RBPMS2: variants seen among roughly 807,000 people sequenced by gnomAD.
The protein encoded by RBPMS2 is RNA-binding protein with multiple splicing 2.
A neutral mutation model predicts 25.7 loss-of-function variants in RBPMS2; 14 were observed. The observed-to-expected ratio is 0.55, with a 90% CI of 0.36 to 0.85. The LOEUF (loss-of-function observed/expected upper bound fraction) is 0.85. RBPMS2 is among the 40% of genes least tolerant of loss of function. RBPMS2 has a pLI of 0.01. For synonymous variants in RBPMS2, 127 were observed against 115.6 expected (o/e 1.10, Z -0.63); for missense variants, 252 against 283.4 (o/e 0.89, Z 0.80).
At position 64,740,068 on chromosome 15, in the gene RBPMS2, T is replaced by C. The variant is rs772412639; in HGVS notation, c.*940A>G. On this transcript the variant is annotated 3_prime_UTR_variant, in exon 8 of 8. Transcript: ENST00000300069. ...ACAAAAAACATTGCACAGTGTTTCCTTCATTTCATTTTCTTAAACAAATGC... is the reference window on the plus strand; with the variant it reads ...ACAAAAAACATTGCACAGTGTTTCCCTCATTTCATTTTCTTAAACAAATGC... 1 of 152,648 alleles carries C rather than the reference T, an allele frequency of 6.6e-6. No homozygotes were observed. Among genetic ancestry groups the C allele is most frequent in the Non-Finnish European group, 1.5e-5 (1 of 68,052 alleles). The allele number at this position is 152,648 out of a possible 1,614,324, so 9.5% of individuals were successfully genotyped here.
chr15:64,767,366 C>G (rs976080357), intron 1 of RBPMS2, among the ~76,000 whole-genome samples: 5 of 152,194 alleles, frequency 3.3e-5, no homozygotes. Context: ...GGGCGGAAGA[C>G]AGAGGAAGTG....
At chr15:64,743,446 C>T (rs1026152131) in intron 6 of RBPMS2, among the ~76,000 whole-genome samples, 4 of 152,372 alleles carry the variant, frequency 2.6e-5, no homozygotes, top group South Asian at 4.1e-4. Context: ...CTGAAGCAGA[C>T]GGAATGCATT....
chr15:64,764,712 G>A (rs1267338064), intron 1 of RBPMS2, among the ~76,000 whole-genome samples: 2 of 151,598 alleles, frequency 1.3e-5, no homozygotes, highest in Non-Finnish European at 2.9e-5. Flanking sequence ...TCAGGAGATC[G>A]AGACCATCCT....
At chr15:64,775,182 C>T (rs1317194726) in intron 1 of RBPMS2, 51 bp downstream of exon 1, 1 of 1,106,542 alleles carries the variant, frequency 9.0e-7, no homozygotes, top group Non-Finnish European at 1.1e-6. Flanking sequence ...CCCTCTCCCG[C>T]GCCCGCCTGG....
intron 1 of RBPMS2, among the ~76,000 whole-genome samples, chr15:64,773,526 T>C (rs971452533): frequency 4.6e-5 from 7 of 152,220 alleles, no homozygotes; most frequent in African/African-American, 1.7e-4. Flanking sequence ...TCCTGCCCTC[T>C]TTCCCAGAAA....
chr15:64,753,766 A>G (rs549610518), intron 1 of RBPMS2, among the ~76,000 whole-genome samples: 52 of 152,042 alleles, frequency 3.4e-4, no homozygotes, highest in African/African-American at 1.2e-3. Flanking sequence ...ATGGCACCTC[A>G]CACCTCACAG....
chr15:64,772,351 T>C (rs937347833), intron 1 of RBPMS2, among the ~76,000 whole-genome samples: 7 of 152,256 alleles, frequency 4.6e-5, no homozygotes, highest in African/African-American at 1.7e-4. Context: ...CCAGCTCCAG[T>C]CAAGACTTAC....
Position 64,775,224 on chromosome 15 carries a change from C to A in RBPMS2, c.87+9G>T. On this transcript the variant is annotated intron_variant, in intron 1 of 7. Coordinates refer to ENST00000300069, the MANE Select transcript of RBPMS2 (RefSeq NM_194272.3). ...CTTCACCCGGCAAGTCCCGGGGCCA[C>A]AGACCCACCTCCTCCTCCAGGGCGC... 2 of 1,267,406 alleles carry A rather than the reference C, an allele frequency of 1.6e-6. No individual in the cohort carries two copies. Among genetic ancestry groups the A allele is most frequent in the South Asian group, 2.5e-5 (1 of 40,750 alleles). The allele number at this position is 1,267,406 out of a possible 1,614,324, so 78.5% of individuals were successfully genotyped here.
intron 1 of RBPMS2, 121 bp downstream of exon 1, chr15:64,775,112 C>A (rs963987845): frequency 2.3e-6 from 1 of 443,900 alleles, no homozygotes; most frequent in Non-Finnish European, 3.5e-6. Context: ...AGGGCAGCGG[C>A]GGGAAGGCGC....
chr15:64,766,309 T>C (rs1373847840), intron 1 of RBPMS2, among the ~76,000 whole-genome samples: 2 of 152,054 alleles, frequency 1.3e-5, no homozygotes, highest in Non-Finnish European at 2.9e-5. Flanking sequence ...CCTCCAACGC[T>C]GATACAGCCA....
chr15:64,766,968 G>C (rs2083852038), intron 1 of RBPMS2, among the ~76,000 whole-genome samples: 1 of 152,124 alleles, frequency 6.6e-6, no homozygotes, highest in South Asian at 2.1e-4. Flanking sequence ...ATTTTTAGTA[G>C]AGATGGGGTT....
chr15:64,749,972 G>A (rs2083660020), intron 3 of RBPMS2, among the ~76,000 whole-genome samples: 5 of 151,994 alleles, frequency 3.3e-5, no homozygotes. Flanking sequence ...AAAGGCTAGC[G>A]GGCCCTGGCC....
rs1338799724 is a variant in RBPMS2 at position 64,775,260 on chromosome 15, C to G, written c.60G>C (p.Ala20=). 1.5e-6 allele frequency: 2 copies of G among 1,336,014 alleles called. No individual in the cohort carries two copies. The highest frequency in any genetic ancestry group is 1.5e-5 in the African/African-American group (1 of 65,014). The allele number at this position is 1,336,014 out of a possible 1,614,324, so 82.8% of individuals were successfully genotyped here. Residue 20 remains alanine (A), a synonymous_variant, in exon 1 of 8, where the codon GCG becomes GCC. Transcript: ENST00000300069. ...HGGSTGTGSG[A]GSGGALEEEV... Reference sequence around the variant, plus strand: ...CCTCCTCCAGGGCGCCGCCGGAGCCCGCGCCGGAGCCGGTGCCGGTGCTGC... The same window carrying G: ...CCTCCTCCAGGGCGCCGCCGGAGCCGGCGCCGGAGCCGGTGCCGGTGCTGC...
At position 64,742,807 on chromosome 15, in the gene RBPMS2, G is replaced by C. The variant is rs549712039; in HGVS notation, c.568-1565C>G. 5.3e-5 allele frequency among the ~76,000 whole-genome samples: 8 copies of C among 152,326 alleles called. No homozygotes were observed. In the South Asian group the frequency reaches 1.4e-3, roughly 28 times the overall value. On this transcript the variant is annotated intron_variant, in intron 6 of 7. Coordinates refer to ENST00000300069, the MANE Select transcript of RBPMS2 (RefSeq NM_194272.3). ...CTTGAGGTTGGAGCAGGCAGACCCA[G>C]TTACCCACTTGGCTGCTGGGAACTC...
chr15:64,749,712 A>G (rs1325820514), intron 3 of RBPMS2, among the ~76,000 whole-genome samples: 2 of 152,192 alleles, frequency 1.3e-5, no homozygotes, highest in Non-Finnish European at 2.9e-5. Context: ...CTCCCTCCCC[A>G]GGAATATCCT....
chr15:64,748,477 G>C lies in RBPMS2; in HGVS notation c.509C>G (p.Ser170Cys). Residue 170 changes from serine (S) to cysteine (C), a missense_variant, in exon 6 of 8, where the codon TCC becomes TGC. By Grantham distance (112) the Ser-to-Cys change is moderately radical (BLOSUM62 -1). Coordinates refer to ENST00000300069, the MANE Select transcript of RBPMS2 (RefSeq NM_194272.3). ...LYTTELTPAI[S>C]HAAFTYPTAT... ...AGTTGGGTAGGTGAACGCAGCATGGGAGATGGCTGGGGTCAGCTCTGTGGT... is the reference window on the plus strand; with the variant it reads ...AGTTGGGTAGGTGAACGCAGCATGGCAGATGGCTGGGGTCAGCTCTGTGGT... 1 of 1,614,108 alleles carries C rather than the reference G, an allele frequency of 6.2e-7. No homozygotes were observed. The highest frequency in any genetic ancestry group is 8.5e-7 in the Non-Finnish European group (1 of 1,179,988).
At chr15:64,765,226 CAAAAAAAAAA>C (rs34231406) in intron 1 of RBPMS2, among the ~76,000 whole-genome samples, 1 of 50,910 alleles carries the variant, frequency 2.0e-5, no homozygotes, top group African/African-American at 9.0e-5. Flanking sequence ...GACTCTGTCT[CAAAAAAAAAA>C]AAAAAAAAAA....
rs2083555675 is a variant in RBPMS2 at position 64,740,945 on chromosome 15, G to A, written c.*63C>T. 4 of 471,156 alleles carry A rather than the reference G, an allele frequency of 8.5e-6. No homozygotes were observed. Among genetic ancestry groups the A allele is most frequent in the East Asian group, 3.8e-5 (1 of 26,222 alleles). The allele number at this position is 471,156 out of a possible 1,614,324, so 29.2% of individuals were successfully genotyped here. On this transcript the variant is annotated 3_prime_UTR_variant, in exon 8 of 8. Coordinates refer to ENST00000300069, the MANE Select transcript of RBPMS2 (RefSeq NM_194272.3). ...CCGCCCGGGGGCAGTGGGAACTCGG[G>A]GCGCCTGTCCCGGCACCACCACAGA...
rs114661394 is a variant in RBPMS2, at chr15:64,766,340, G to C, written c.87+8893C>G. ...AGCCACCAGTGCACTCTTCAGGAAG[G>C]GAGGGCCCAACAATCCTGTCACCTG... On this transcript the variant is annotated intron_variant, in intron 1 of 7. Transcript: ENST00000300069. 4.7e-3 allele frequency among the ~76,000 whole-genome samples: 710 copies of C among 152,244 alleles called. 6 individuals carry two copies. Among genetic ancestry groups the C allele is most frequent in the African/African-American group, 0.017 (689 of 41,552 alleles).
Sources: allele counts gnomAD v4.1 joint callset (sites outside exome capture counted in the v4.1 genomes callset), GRCh38; gene constraint gnomAD v4.1.1; transcripts MANE v1.5; gene names NCBI Gene and HGNC (gene_info 2026-07-23, HGNC 2026-07-21).